ARHGAP29: variants seen among roughly 807,000 people sequenced by gnomAD.
ARHGAP29 encodes the protein rho GTPase-activating protein 29.
Under a neutral mutation model 122.6 loss-of-function variants are expected in ARHGAP29, and 43 were observed. The ratio of observed to expected loss-of-function variants is 0.35; its 90% CI spans 0.27 to 0.45. ARHGAP29 has a LOEUF of 0.45. ARHGAP29 is among the 20% of genes least tolerant of loss of function. The pLI, the probability that ARHGAP29 is intolerant of heterozygous loss-of-function variation, is 1.00. For synonymous variants in ARHGAP29, 506 were observed against 497.1 expected (o/e 1.02, Z -0.24); for missense variants, 1,303 against 1,477.2 (o/e 0.88, Z 1.93).
rs185392073 is a variant in ARHGAP29 at position 94,169,785 on chromosome 1, A to T, written c.*4084T>A. ...GGTAGGGAGTAGGAAAAAGTGTAAG[A>T]TGAGCTCGTAAAAAAAATAAGAGGG... is the stretch of plus-strand genomic sequence containing the variant. On this transcript the variant is annotated 3_prime_UTR_variant, in exon 23 of 23. Coordinates refer to ENST00000260526, the MANE Select transcript of ARHGAP29 (RefSeq NM_004815.4). 6.6e-6 allele frequency among the ~76,000 whole-genome samples: 1 copy of T among 152,266 alleles called. No individual in the cohort carries two copies. Among genetic ancestry groups the T allele is most frequent in the Admixed American group, 6.5e-5 (1 of 15,290 alleles).
chr1:94,234,235 A>G (rs996936241), intron 1 of ARHGAP29, among the ~76,000 whole-genome samples: 7 of 152,252 alleles, frequency 4.6e-5, no homozygotes, highest in Admixed American at 6.5e-5. Context: ...CTCTGATCAT[A>G]GCACAATGCT....
At chr1:94,253,948 C>T (rs1034598649) in intron 1 of ARHGAP29, among the ~76,000 whole-genome samples, 6 of 152,182 alleles carry the variant, frequency 3.9e-5, no homozygotes, top group African/African-American at 1.2e-4. Flanking sequence ...GGTTTAGAAA[C>T]CTGTTTTTAA....
At chr1:94,290,125 C>CT in the ARHGAP29 span, among the ~76,000 whole-genome samples, 13 of 152,138 alleles carry the variant, frequency 8.5e-5, no homozygotes, top group East Asian at 2.3e-3. Flanking sequence ...TGGTCCTGGA[C>CT]TTTTTTTGGT....
chr1:94,274,734 T>G (rs1655119509), intron 1 of ARHGAP29, among the ~76,000 whole-genome samples: 1 of 152,188 alleles, frequency 6.6e-6, no homozygotes, highest in African/African-American at 2.4e-5. Context: ...CAATGGTCCT[T>G]TGCCAACTCT....
At chr1:94,203,893 C>A in intron 8 of ARHGAP29, 37 bp downstream of exon 8, 1 of 1,586,132 alleles carries the variant, frequency 6.3e-7, no homozygotes, top group Non-Finnish European at 8.6e-7. Context: ...TGAGTAGTTT[C>A]TTATTATAGA....
At chr1:94,253,908 G>C (rs907386142) in intron 1 of ARHGAP29, among the ~76,000 whole-genome samples, 5 of 152,172 alleles carry the variant, frequency 3.3e-5, no homozygotes, top group Non-Finnish European at 7.3e-5. Flanking sequence ...GAATTGAGAA[G>C]TGACTGCTTG....
At chr1:94,229,560 T>C (rs1306962269) in intron 2 of ARHGAP29, among the ~76,000 whole-genome samples, 1 of 151,804 alleles carries the variant, frequency 6.6e-6, no homozygotes, top group Non-Finnish European at 1.5e-5. Context: ...GGCCACTGCA[T>C]ACTACTGAGT....
chr1:94,292,842 G>A, the ARHGAP29 span, among the ~76,000 whole-genome samples: 33 of 152,268 alleles, frequency 2.2e-4, no homozygotes, highest in Non-Finnish European at 4.3e-4. Context: ...TTGTCTCAGC[G>A]GGGCATCTGC....
At chr1:94,299,731 C>T in the ARHGAP29 span, among the ~76,000 whole-genome samples, 1 of 151,936 alleles carries the variant, frequency 6.6e-6, no homozygotes, top group African/African-American at 2.4e-5. Context: ...GCTGGGTCCA[C>T]CCTCTGGGGA....
chr1:94,189,272 G>A lies in ARHGAP29; in HGVS notation c.1520C>T (p.Pro507Leu). The change falls in exon 14 of 23, where the codon CCT (proline) becomes CTT (leucine). Residue 507 changes from proline to leucine, a missense_variant. Around this residue, in one of 3 missense-constraint regions of ARHGAP29, gnomAD observed 592 missense variants for 648.2 expected, o/e 0.91. Coordinates refer to ENST00000260526, the MANE Select transcript of ARHGAP29 (RefSeq NM_004815.4). Reference sequence around the variant, plus strand: ...CTCTTCAATTTTATTAGAACTGTCAGGAAGGCGTACAACATCCTCTAAAGA... The same window carrying A: ...CTCTTCAATTTTATTAGAACTGTCAAGAAGGCGTACAACATCCTCTAAAGA... ...ANSLEDVVRLPDSSNKIEEDR... is the reference protein window; with the variant it reads ...ANSLEDVVRLLDSSNKIEEDR... 3 of 1,613,190 alleles carry A rather than the reference G, an allele frequency of 1.9e-6. No individual in the cohort carries two copies. Among genetic ancestry groups the A allele is most frequent in the Non-Finnish European group, 2.5e-6 (3 of 1,179,502 alleles).
At chr1:94,258,878 G>C (rs150738515) in intron 1 of ARHGAP29, among the ~76,000 whole-genome samples, 146 of 152,280 alleles carry the variant, frequency 9.6e-4, no homozygotes, top group African/African-American at 3.4e-3. Flanking sequence ...TGTCAGACTT[G>C]ACTCAAAAAA....
intron 1 of ARHGAP29, among the ~76,000 whole-genome samples, chr1:94,234,885 G>C (rs1320226927): frequency 6.6e-6 from 1 of 151,936 alleles, no homozygotes; most frequent in Non-Finnish European, 1.5e-5. Context: ...TGGTAAAGAT[G>C]GTTACAAAAA....
At chr1:94,203,487 T>A (rs1650990630) in intron 8 of ARHGAP29, among the ~76,000 whole-genome samples, 1 of 152,156 alleles carries the variant, frequency 6.6e-6, no homozygotes, top group Non-Finnish European at 1.5e-5. Flanking sequence ...ATAATCCCAA[T>A]ACTCTGGGAG....
intron 1 of ARHGAP29, among the ~76,000 whole-genome samples, chr1:94,258,290 GA>G (rs1654436919): frequency 6.6e-6 from 1 of 152,180 alleles, no homozygotes; most frequent in Non-Finnish European, 1.5e-5. Context: ...CTAGTCATAG[GA>G]GAACTTATGC....
chr1:94,204,296 A>G (rs1291245856), intron 7 of ARHGAP29, among the ~76,000 whole-genome samples: 2 of 152,106 alleles, frequency 1.3e-5, no homozygotes, highest in Non-Finnish European at 2.9e-5. Context: ...CACCATGTAC[A>G]GCTCTTAATG....
intron 1 of ARHGAP29, among the ~76,000 whole-genome samples, chr1:94,265,699 AC>A (rs1191554829): frequency 6.6e-6 from 1 of 152,130 alleles, no homozygotes; most frequent in Non-Finnish European, 1.5e-5. Flanking sequence ...GGGGTCTCCC[AC>A]CTTTCTACTG....
chr1:94,224,752 C>G (rs2101596682), intron 2 of ARHGAP29, among the ~76,000 whole-genome samples: 2 of 152,164 alleles, frequency 1.3e-5, no homozygotes, highest in Middle Eastern at 6.8e-3. Flanking sequence ...GAAAAAAAAT[C>G]ACTGCAACTG....
chr1:94,206,445 T>C (rs1278211604), intron 5 of ARHGAP29, among the ~76,000 whole-genome samples: 1 of 152,176 alleles, frequency 6.6e-6, no homozygotes, highest in East Asian at 1.9e-4. Flanking sequence ...CCAGCTCCAT[T>C]ATTACCTGTA....
rs146554105 is a variant in ARHGAP29, at chr1:94,170,498, A to C, written c.*3371T>G. On this transcript the variant is annotated 3_prime_UTR_variant, in exon 23 of 23. Coordinates refer to ENST00000260526, the MANE Select transcript of ARHGAP29 (RefSeq NM_004815.4). ...TGGTCCTGGATTGGGATGCTGAAAC[A>C]CAGGAACATTACTGAGGCAATCAAA... is the stretch of plus-strand genomic sequence containing the variant. 1.6e-3 allele frequency among the ~76,000 whole-genome samples: 241 copies of C among 152,298 alleles called. 3 individuals are homozygous for C. The highest frequency in any genetic ancestry group is 5.4e-3 in the African/African-American group (225 of 41,536).
Sources: gnomAD v4.1 joint callset for allele counts (sites outside exome capture counted in the v4.1 genomes callset) on GRCh38, gnomAD v4.1.1 for gene constraint, gnomAD v4.1.1 regional missense constraint, MANE v1.5 for transcripts, NCBI Gene and HGNC (gene_info 2026-07-23, HGNC 2026-07-21) for gene names.